SERINC3: variants seen among roughly 807,000 people sequenced by gnomAD.
The protein encoded by SERINC3 is serine incorporator 3.
SERINC3 carries 22 observed loss-of-function variants against 52.1 expected under a neutral mutation model. The observed-to-expected ratio is 0.42, with a 90% CI of 0.30 to 0.60. The LOEUF is 0.60. Among genes scored for constraint, SERINC3 ranks in the 20% least tolerant of loss-of-function variants. The pLI is 0.16. For synonymous variants in SERINC3, 226 were observed against 212.7 expected (o/e 1.06, Z -0.54); for missense variants, 564 against 584.6 (o/e 0.96, Z 0.36).
At chr20:44,518,318 C>T (rs1255255951) in intron 1 of SERINC3, among the ~76,000 whole-genome samples, 1 of 87,538 alleles carries the variant, frequency 1.1e-5, no homozygotes, top group African/African-American at 4.3e-5. Flanking sequence ...AAATTAGCCT[C>T]AAAAAAAAAA....
intron 7 of SERINC3, 120 bp downstream of exon 7, chr20:44,504,681 C>T (rs997841317): frequency 1.2e-5 from 9 of 741,472 alleles, no homozygotes; most frequent in East Asian, 5.3e-5. Flanking sequence ...GAACACTGTA[C>T]GTTTAAGTTT....
rs2064336945 is a variant in SERINC3 at position 44,509,933 on chromosome 20, C to G, written c.571G>C (p.Val191Leu). The G allele has an allele frequency of 1.9e-6, 3 of 1,614,002 alleles. No homozygotes were observed. The highest frequency in any genetic ancestry group is 2.5e-6 in the Non-Finnish European group (3 of 1,179,992). The change falls in exon 5 of 10, where the codon GTA becomes CTA. Residue 191 changes from valine to leucine, a missense_variant. Coordinates refer to ENST00000342374, the MANE Select transcript of SERINC3 (RefSeq NM_006811.4). ...DFAHSWNESW[V>L]NRMEEGNPRL... ...GGGTTTCCTTCTTCCATTCGATTTACCCATGATTCATTCCAAGAATGAGCA... is the reference window on the plus strand; with the variant it reads ...GGGTTTCCTTCTTCCATTCGATTTAGCCATGATTCATTCCAAGAATGAGCA...
chr20:44,505,011 TGA>T, intron 6 of SERINC3, 120 bp from the exon 7 acceptor site: 1 of 673,168 alleles, frequency 1.5e-6, no homozygotes, highest in Non-Finnish European at 2.5e-6. Context: ...GGATTCTTCT[TGA>T]GAGTTGAAAG....
In SERINC3 at chr20:44,513,103, A is replaced by G. The variant is rs965620783; in HGVS notation, c.202-109T>C. 4 of 608,506 alleles carry G rather than the reference A, an allele frequency of 6.6e-6. No homozygotes were observed. The African/African-American group carries it at 7.8e-5, about 12-fold the overall frequency. The allele number at this position is 608,506 out of a possible 1,614,324, so 37.7% of individuals were successfully genotyped here. On this transcript the variant is annotated intron_variant, in intron 2 of 9. Transcript: ENST00000342374. Reference sequence around the variant, plus strand: ...AAAATTAACTACTTCAACAACTGCAAGACTGACTATGGAATTTTTCTCTTT... The same window carrying G: ...AAAATTAACTACTTCAACAACTGCAGGACTGACTATGGAATTTTTCTCTTT...
intron 2 of SERINC3, among the ~76,000 whole-genome samples, chr20:44,513,221 C>T (rs1426541342): frequency 1.3e-5 from 2 of 152,112 alleles, no homozygotes; most frequent in African/African-American, 2.4e-5. Flanking sequence ...CACGGTGGCT[C>T]ACATCTGTAA....
chr20:44,504,425 TATA>T (rs1319776014), intron 7 of SERINC3, among the ~76,000 whole-genome samples: 1 of 152,228 alleles, frequency 6.6e-6, no homozygotes, highest in Non-Finnish European at 1.5e-5. Context: ...GAAACAATCC[TATA>T]ATAACTACAA....
rs994496183 is a variant in SERINC3 at position 44,500,433 on chromosome 20, G to A, written c.1285C>T (p.Pro429Ser). The A allele has an allele frequency of 1.9e-6, 3 of 1,561,920 alleles. No individual in the cohort carries two copies. In the African/African-American group the frequency reaches 4.1e-5, roughly 21 times the overall value. Reference sequence around the variant, plus strand: ...GTCATGCTCTGAAACTTTGCATCAGGGCTAAGAAAACAAGAGAGAGTCAGG... The same window carrying A: ...GTCATGCTCTGAAACTTTGCATCAGAGCTAAGAAAACAAGAGAGAGTCAGG... Reference protein sequence around the residue: ...IMMTLTSWYSPDAKFQSMTSK... With the variant: ...IMMTLTSWYSSDAKFQSMTSK... Residue 429 changes from proline to serine, a missense_variant and splice_region_variant, in exon 10 of 10, where the codon CCT (proline) becomes TCT (serine). Pro to Ser is a moderately conservative substitution (Grantham distance 74). Transcript: ENST00000342374.
intron 1 of SERINC3, 129 bp downstream of exon 1, chr20:44,521,784 G>C (rs1348092888): frequency 3.2e-6 from 3 of 933,696 alleles, no homozygotes; most frequent in Non-Finnish European, 5.0e-6. Flanking sequence ...TGGGGCCCCG[G>C]AGACCCTCTG....
At chr20:44,504,184 A>G (rs2064297532) in intron 7 of SERINC3, among the ~76,000 whole-genome samples, 189 bp from the exon 8 acceptor site, 1 of 152,154 alleles carries the variant, frequency 6.6e-6, no homozygotes, top group Non-Finnish European at 1.5e-5. Context: ...AGGAAAAAAA[A>G]AGAAAACAAC....
chr20:44,510,637 C>A (rs1181406405), intron 4 of SERINC3, among the ~76,000 whole-genome samples: 1 of 152,034 alleles, frequency 6.6e-6, no homozygotes, highest in Non-Finnish European at 1.5e-5. Flanking sequence ...GATGGTGAAA[C>A]CCCGTCTCTG....
rs1404802614 is a variant in SERINC3, at chr20:44,499,031, CTCCTT to C, written c.*1260_*1264del. ...AAGCCTACCATTACACCAAATACCT[CTCCTT>C]TGAGTTCTCTCCAATTCCTAAACCA... On this transcript the variant is annotated 3_prime_UTR_variant, in exon 10 of 10. Transcript: ENST00000342374. The C allele has an allele frequency of 1.3e-5, 2 of 152,202 alleles. No homozygotes were observed. Among genetic ancestry groups the C allele is most frequent in the East Asian group, 1.9e-4 (1 of 5,198 alleles). 9.4% of individuals were successfully genotyped at this position (152,202 alleles called of 1,614,324 possible). A position where few individuals can be genotyped will look rare whatever the true frequency, so the allele number is the denominator to read the frequency against.
chr20:44,521,966 T>G lies in SERINC3; in HGVS notation c.-15A>C, dbSNP rs772834323. The G allele has an allele frequency of 3.1e-6, 5 of 1,608,774 alleles. No homozygotes were observed. Among genetic ancestry groups the G allele is most frequent in the Non-Finnish European group, 4.2e-6 (5 of 1,177,602 alleles). ...ACAGCCCCCATGGTGACGCCAGTGA[T>G]GGAGGTGGCCGGTCCTGAGGCTGCT... is the stretch of plus-strand genomic sequence containing the variant. On this transcript the variant is annotated 5_prime_UTR_variant, in exon 1 of 10. Coordinates refer to ENST00000342374, the MANE Select transcript of SERINC3 (RefSeq NM_006811.4).
Position 44,498,058 on chromosome 20 carries a change from T to C in SERINC3, c.*2238A>G, listed in dbSNP as rs768536914. The C allele has an allele frequency of 1.3e-5, 2 of 151,198 alleles. No individual in the cohort carries two copies. The highest frequency in any genetic ancestry group is 6.6e-5 in the Admixed American group (1 of 15,198). 9.4% of individuals were successfully genotyped at this position (151,198 alleles called of 1,614,324 possible). Reference sequence around the variant, plus strand: ...ACTCAACAAATAATAGCTGACAAGTTTGATAGCCAGAAAACGGCAAAGCTG... The same window carrying C: ...ACTCAACAAATAATAGCTGACAAGTCTGATAGCCAGAAAACGGCAAAGCTG... On this transcript the variant is annotated 3_prime_UTR_variant, in exon 10 of 10. Transcript: ENST00000342374.
At chr20:44,510,574 G>A (rs2064340877) in intron 4 of SERINC3, among the ~76,000 whole-genome samples, 1 of 152,198 alleles carries the variant, frequency 6.6e-6, no homozygotes, top group Non-Finnish European at 1.5e-5. Context: ...AGCACTTCAG[G>A]AGGCTGAGGC....
chr20:44,517,834 A>G (rs761827168), intron 1 of SERINC3, among the ~76,000 whole-genome samples: 3 of 152,194 alleles, frequency 2.0e-5, no homozygotes, highest in Non-Finnish European at 2.9e-5. Flanking sequence ...TTACAACGTT[A>G]TATCTTTTGT....
chr20:44,501,248 C>A lies in SERINC3; in HGVS notation c.1108G>T (p.Asp370Tyr). The A allele has an allele frequency of 6.2e-7, 1 of 1,614,130 alleles. No homozygotes were observed. Among genetic ancestry groups the A allele is most frequent in the South Asian group, 1.1e-5 (1 of 91,044 alleles). The change falls in exon 9 of 10, where the codon GAC becomes TAC. Residue 370 changes from aspartate to tyrosine, a missense_variant. Asp to Tyr is a radical substitution (Grantham distance 160). Transcript: ENST00000342374. The stretch of plus-strand genomic sequence containing the variant: ...GTTGTATCACCAAGGATGACGCTGT[C>A]ACTCCCTGACAGGGTCAGCTTGTCT... ...QVDKLTLSGS[D>Y]SVILGDTTTS...
At chr20:44,519,769 G>C (rs2064403926) in intron 1 of SERINC3, among the ~76,000 whole-genome samples, 1 of 151,226 alleles carries the variant, frequency 6.6e-6, no homozygotes, top group Admixed American at 6.6e-5. Context: ...CTGGGTGACA[G>C]AGCAAAACTC....
At chr20:44,496,653 G>T (rs1393739704), downstream of SERINC3, among the ~76,000 whole-genome samples, 1 of 152,116 alleles carries the variant, frequency 6.6e-6, no homozygotes, top group African/African-American at 2.4e-5. Flanking sequence ...AATTAGCCAG[G>T]TGTGGTGGCG....
intron 2 of SERINC3, 114 bp downstream of exon 2, chr20:44,513,765 T>TA (rs930490198): frequency 6.7e-6 from 6 of 897,586 alleles, no homozygotes; most frequent in African/African-American, 5.1e-5. Flanking sequence ...CCCATATAAG[T>TA]AAAAAATCTC....
Sources: allele counts gnomAD v4.1 joint callset (sites outside exome capture counted in the v4.1 genomes callset), GRCh38; gene constraint gnomAD v4.1.1; transcripts MANE v1.5; gene names NCBI Gene and HGNC (gene_info 2026-07-23, HGNC 2026-07-21).